VPS16: variants seen among roughly 807,000 people sequenced by gnomAD.
VPS16 encodes vacuolar protein sorting-associated protein 16 homolog.
A neutral mutation model predicts 116.0 loss-of-function variants in VPS16; 82 were observed. That is an observed-to-expected ratio of 0.71 (90% CI 0.59 to 0.85). The LOEUF is 0.85. Ranked by LOEUF, VPS16 falls within the 40% of genes least tolerant of loss-of-function variation. VPS16 has a pLI of 0.00. For synonymous variants in VPS16, 406 were observed against 420.7 expected (o/e 0.96, Z 0.43); for missense variants, 928 against 1,090.6 (o/e 0.85, Z 2.10).
intron 1 of VPS16, among the ~76,000 whole-genome samples, chr20:2,844,140 G>A (rs1599970462): frequency 6.6e-6 from 1 of 152,080 alleles, no homozygotes; most frequent in Non-Finnish European, 1.5e-5. Flanking sequence ...TTTTGGGGGC[G>A]GGCAGGTTAA....
intron 1 of VPS16, among the ~76,000 whole-genome samples, chr20:2,851,351 G>A (rs1439752902): frequency 6.6e-6 from 1 of 152,186 alleles, no homozygotes; most frequent in East Asian, 1.9e-4. Context: ...GCTCACGCCT[G>A]TAATCCTAAC....
In VPS16 at chr20:2,865,800, C is replaced by A; in HGVS notation, c.2271+305C>A. On this transcript the variant is annotated intron_variant, in intron 22 of 23. Coordinates refer to ENST00000380445, the MANE Select transcript of VPS16 (RefSeq NM_022575.4). This position sits in a 1 kb window ranked among gnomAD's most constrained non-coding sequence, Gnocchi z 5.2. ...TCTTGTCTGAGGAGGGTGGAGGGGG[C>A]ACAGGGAGGGTGCATATGGGAGGCA... The A allele has an allele frequency of 2.1e-6, 1 of 483,462 alleles. No homozygotes were observed. Among genetic ancestry groups the A allele is most frequent in the South Asian group, 2.3e-5 (1 of 42,822 alleles). 29.9% of individuals were successfully genotyped at this position (483,462 alleles called of 1,614,324 possible). A position where few individuals can be genotyped will look rare whatever the true frequency, so the allele number is the denominator to read the frequency against.
In VPS16 at chr20:2,865,831, G is replaced by A. The variant is rs1190590532; in HGVS notation, c.2271+336G>A. 4.3e-6 allele frequency: 2 copies of A among 463,170 alleles called. No homozygotes were observed. Among genetic ancestry groups the A allele is most frequent in the East Asian group, 8.4e-5 (2 of 23,922 alleles). 28.7% of individuals were successfully genotyped at this position (463,170 alleles called of 1,614,324 possible). ...GAGGGTGCATATGGGAGGCAGTGGA[G>A]ATACTGAGGGCTGTTTTCTGTGGTG... is the stretch of plus-strand genomic sequence containing the variant. On this transcript the variant is annotated intron_variant, in intron 22 of 23. Coordinates refer to ENST00000380445, the MANE Select transcript of VPS16 (RefSeq NM_022575.4). This position sits in a 1 kb window ranked among gnomAD's most constrained non-coding sequence, Gnocchi z 5.2.
chr20:2,860,666 A>T lies in VPS16; in HGVS notation c.514+73A>T. The T allele has an allele frequency of 1.2e-6, 2 of 1,610,080 alleles. No homozygotes were observed. Among genetic ancestry groups the T allele is most frequent in the Non-Finnish European group, 1.7e-6 (2 of 1,177,946 alleles). The stretch of plus-strand genomic sequence containing the variant: ...CCTCTAGCCTGTGAGACCCATAAAA[A>T]CAGAAGCTGTGGCTAGAGACCCATA... On this transcript the variant is annotated intron_variant, in intron 5 of 23. Coordinates refer to ENST00000380445, the MANE Select transcript of VPS16 (RefSeq NM_022575.4). This position sits in a 1 kb window ranked among gnomAD's most constrained non-coding sequence, Gnocchi z 6.1.
At chr20:2,847,276 G>T (rs2089069720) in intron 1 of VPS16, among the ~76,000 whole-genome samples, 3 of 152,120 alleles carry the variant, frequency 2.0e-5, no homozygotes, top group Non-Finnish European at 4.4e-5. Flanking sequence ...CTCCCTGATT[G>T]TTGTTTTAGC....
Position 2,864,082 on chromosome 20 carries a change from A to G in VPS16, c.1610A>G (p.Lys537Arg). 1 of 1,613,844 alleles carries G rather than the reference A, an allele frequency of 6.2e-7. No individual in the cohort carries two copies. Among genetic ancestry groups the G allele is most frequent in the Non-Finnish European group, 8.5e-7 (1 of 1,179,732 alleles). ...TGTGGCCGCACGGAGCTGGCCATCA[A>G]GGTGTGGGTGCCCAGCCCTCCACAG... Reference protein sequence around the residue: ...YGCGRTELAIKLLEYEPRSGE... With the variant: ...YGCGRTELAIRLLEYEPRSGE... The change falls in exon 16 of 24, where the codon AAG (lysine) becomes AGG (arginine). Residue 537 changes from lysine to arginine, a missense_variant and splice_region_variant. Coordinates refer to ENST00000380445, the MANE Select transcript of VPS16 (RefSeq NM_022575.4). This position sits in a 1 kb window ranked among gnomAD's most constrained non-coding sequence, Gnocchi z 5.2.
chr20:2,866,012 C>A, intron 22 of VPS16, 200 bp from the exon 23 acceptor site: 2 of 597,696 alleles, frequency 3.3e-6, no homozygotes, highest in Non-Finnish European at 6.0e-6. Flanking sequence ...TCTGACAGAG[C>A]TTTGGTTTAG....
rs774650772 is a variant in VPS16 at position 2,860,739 on chromosome 20, T to C, written c.515-9T>C. On this transcript the variant is annotated splice_polypyrimidine_tract_variant and intron_variant, in intron 5 of 23. Coordinates refer to ENST00000380445, the MANE Select transcript of VPS16 (RefSeq NM_022575.4). This position sits in a 1 kb window ranked among gnomAD's most constrained non-coding sequence, Gnocchi z 6.1. ...GTCATCCTAACACTGTCCTTTTCCC[T>C]GGCCATAGGTCTGCAAAGTGCACCC... 64 of 1,613,706 alleles carry C rather than the reference T, an allele frequency of 4.0e-5. No individual in the cohort carries two copies. The highest frequency in any genetic ancestry group is 5.3e-5 in the Non-Finnish European group (63 of 1,180,032).
chr20:2,858,278 T>G (rs1303894451), intron 1 of VPS16, among the ~76,000 whole-genome samples: 1 of 152,088 alleles, frequency 6.6e-6, no homozygotes, highest in Non-Finnish European at 1.5e-5. Flanking sequence ...AGCTAATTTT[T>G]GTATTTTTTG....
In VPS16 at chr20:2,864,622, T is replaced by G. The variant is rs771090810; in HGVS notation, c.1894T>G (p.Phe632Val). The G allele has an allele frequency of 1.2e-6, 2 of 1,614,150 alleles. No individual in the cohort carries two copies. The highest frequency in any genetic ancestry group is 1.7e-5 in the Admixed American group (1 of 60,024). Reference sequence around the variant, plus strand: ...TGACAATCACCAGGAATTGGGCAGCTTCCACATCCGAGCCAGCTATGCTGC... The same window carrying G: ...TGACAATCACCAGGAATTGGGCAGCGTCCACATCCGAGCCAGCTATGCTGC... ...QDDNHQELGS[F>V]HIRASYAAEE... Residue 632 changes from phenylalanine to valine, a missense_variant, in exon 19 of 24, where the codon TTC (phenylalanine) becomes GTC (valine). By Grantham distance (50) the Phe-to-Val change is conservative (BLOSUM62 -1). Transcript: ENST00000380445. The surrounding 1 kb of genome is among the most constrained non-coding windows in gnomAD (Gnocchi z 5.2).
chr20:2,843,800 C>G (rs1244303521), intron 1 of VPS16, among the ~76,000 whole-genome samples: 1 of 152,166 alleles, frequency 6.6e-6, no homozygotes, highest in African/African-American at 2.4e-5. Flanking sequence ...GGGTGCATGC[C>G]ACAGACACAA....
chr20:2,845,897 CATA>C (rs2089054530), intron 1 of VPS16, among the ~76,000 whole-genome samples: 1 of 152,164 alleles, frequency 6.6e-6, no homozygotes, highest in African/African-American at 2.4e-5. Flanking sequence ...TTTCACTTAG[CATA>C]ATATCTTCAA....
In VPS16 at chr20:2,865,344, GGTCCCAGGACCAC is replaced by G; in HGVS notation, c.2174+28_2174+40del. On this transcript the variant is annotated intron_variant, in intron 21 of 23. Coordinates refer to ENST00000380445, the MANE Select transcript of VPS16 (RefSeq NM_022575.4). The surrounding 1 kb of genome is among the most constrained non-coding windows in gnomAD (Gnocchi z 5.2). ...TAGGTGAGGGCCCAGGCTGCATGTG[GGTCCCAGGACCAC>G]CTGCCTCTCCTGCAACACCTCCAAG... is the stretch of plus-strand genomic sequence containing the variant. 2.5e-6 allele frequency: 4 copies of G among 1,614,074 alleles called. No homozygotes were observed. Among genetic ancestry groups the G allele is most frequent in the Non-Finnish European group, 3.4e-6 (4 of 1,179,954 alleles).
rs1004832754 is a variant in VPS16 at position 2,864,084 on chromosome 20, G to A, written c.1611+1G>A. ...TGGCCGCACGGAGCTGGCCATCAAG[G>A]TGTGGGTGCCCAGCCCTCCACAGAC... On this transcript the variant is annotated splice_donor_variant, in intron 16 of 23. Transcript: ENST00000380445. LOFTEE classifies it high-confidence loss of function. The surrounding 1 kb of genome is among the most constrained non-coding windows in gnomAD (Gnocchi z 5.2). 1.9e-6 allele frequency: 3 copies of A among 1,613,862 alleles called. No individual in the cohort carries two copies. Among genetic ancestry groups the A allele is most frequent in the Admixed American group, 3.3e-5 (2 of 60,024 alleles).
chr20:2,849,686 C>T (rs967664244), intron 1 of VPS16, among the ~76,000 whole-genome samples: 1 of 152,116 alleles, frequency 6.6e-6, no homozygotes, highest in African/African-American at 2.4e-5. Flanking sequence ...GTTAACAGAC[C>T]TGAGATCACT....
chr20:2,864,393 C>T lies in VPS16; in HGVS notation c.1749C>T (p.Asn583=), dbSNP rs34653198. The T allele has an allele frequency of 0.014, 22,412 of 1,614,128 alleles. 485 individuals are homozygous for T. Among genetic ancestry groups the T allele is most frequent in the African/African-American group, 0.093 (6,970 of 74,984 alleles). The change falls in exon 18 of 24, where the codon AAC becomes AAT. Residue 583 remains asparagine, a synonymous_variant. Coordinates refer to ENST00000380445, the MANE Select transcript of VPS16 (RefSeq NM_022575.4). This position sits in a 1 kb window ranked among gnomAD's most constrained non-coding sequence, Gnocchi z 5.2. ...TCACGGTGTTGCTGCACCTGAAGAA[C>T]GAGCTGAACCGAGGAGATTTTTTCA... ...LVFTVLLHLK[N]ELNRGDFFMT... is the part of the protein sequence containing the mutation.
chr20:2,842,222 A>C (rs921790225), intron 1 of VPS16, among the ~76,000 whole-genome samples: 2 of 152,162 alleles, frequency 1.3e-5, no homozygotes, highest in African/African-American at 4.8e-5. Flanking sequence ...GGATCACTGG[A>C]GCCCAGAAGT....
At chr20:2,844,326 T>C (rs1428985506) in intron 1 of VPS16, among the ~76,000 whole-genome samples, 5 of 152,244 alleles carry the variant, frequency 3.3e-5, no homozygotes, top group African/African-American at 1.2e-4. Context: ...TCAAGTCCTA[T>C]CTGCCTGACA....
rs761784304 is a variant in VPS16, at chr20:2,865,358, C to T, written c.2174+41C>T. On this transcript the variant is annotated intron_variant, in intron 21 of 23. Coordinates refer to ENST00000380445, the MANE Select transcript of VPS16 (RefSeq NM_022575.4). This position sits in a 1 kb window ranked among gnomAD's most constrained non-coding sequence, Gnocchi z 5.2. ...GGCTGCATGTGGGTCCCAGGACCACCTGCCTCTCCTGCAACACCTCCAAGC... is the reference window on the plus strand; with the variant it reads ...GGCTGCATGTGGGTCCCAGGACCACTTGCCTCTCCTGCAACACCTCCAAGC... 1 of 1,613,930 alleles carries T rather than the reference C, an allele frequency of 6.2e-7. No homozygotes were observed.
Sources: allele counts gnomAD v4.1 joint callset (sites outside exome capture counted in the v4.1 genomes callset), GRCh38; gene constraint gnomAD v4.1.1; non-coding constraint Gnocchi (gnomAD v3.1); transcripts MANE v1.5; gene names NCBI Gene and HGNC (gene_info 2026-07-23, HGNC 2026-07-21).